RAPGEF1: variants seen among roughly 807,000 people sequenced by gnomAD.
The protein encoded by RAPGEF1 is CRK SH3-binding GNRP.
Under a neutral mutation model 143.3 loss-of-function variants are expected in RAPGEF1, and 33 were observed. The observed-to-expected ratio is 0.23, with a 90% CI of 0.17 to 0.31. The LOEUF (loss-of-function observed/expected upper bound fraction) is 0.31, where lower values mean the gene tolerates loss of function less well. RAPGEF1 is among the 10% of genes least tolerant of loss of function. The probability of loss-of-function intolerance (pLI) is 1.00; values close to 1 mark genes in which losing one functional copy is unlikely to be tolerated. For missense variants in RAPGEF1, 1,199 were observed against 1,645.4 expected (o/e 0.73, Z 4.69); for synonymous variants, 629 against 676.5 (o/e 0.93, Z 1.09).
intron 15 of RAPGEF1, among the ~76,000 whole-genome samples, chr9:131,600,886 T>C (rs1956153285): frequency 6.6e-6 from 1 of 152,192 alleles, no homozygotes; most frequent in Admixed American, 6.5e-5. Flanking sequence ...CCAGGCATCA[T>C]GGCTCACGCC....
rs377553737 is a variant in RAPGEF1 at position 131,605,000 on chromosome 9, C to T, written c.2250G>A (p.Ser750=). ...PPPSTVDGPL[S]ASQESSFHGN... Reference sequence around the variant, plus strand: ...CATGAAAGCTGCTCTCCTGAGAAGCCGAGAGAGGCCCGTCCACGGTGCTGG... The same window carrying T: ...CATGAAAGCTGCTCTCCTGAGAAGCTGAGAGAGGCCCGTCCACGGTGCTGG... Residue 750 remains serine (S), a synonymous_variant, in exon 13 of 27, where the codon TCG becomes TCA. Transcript: ENST00000683357. 93 of 1,351,462 alleles carry T rather than the reference C, an allele frequency of 6.9e-5. No homozygotes were observed. In the African/African-American group the frequency reaches 7.4e-4, roughly 11 times the overall value. The allele number at this position is 1,351,462 out of a possible 1,614,324, so 83.7% of individuals were successfully genotyped here. A position where few individuals can be genotyped will look rare whatever the true frequency, so the allele number is the denominator to read the frequency against.
intron 1 of RAPGEF1, among the ~76,000 whole-genome samples, chr9:131,688,909 A>C (rs1324752267): frequency 6.6e-6 from 1 of 152,220 alleles, no homozygotes; most frequent in Non-Finnish European, 1.5e-5. Flanking sequence ...AAATAAAAAT[A>C]AAAAACAAGG....
chr9:131,580,731 C>G (rs1373306558), intron 25 of RAPGEF1, among the ~76,000 whole-genome samples: 1 of 152,054 alleles, frequency 6.6e-6, no homozygotes, highest in African/African-American at 2.4e-5. Context: ...AAAACCCAAA[C>G]CAGGGGGCAG....
At chr9:131,644,489 A>C (rs893035945) in intron 3 of RAPGEF1, among the ~76,000 whole-genome samples, 1 of 152,090 alleles carries the variant, frequency 6.6e-6, no homozygotes, top group Admixed American at 6.5e-5. Flanking sequence ...GCAAATTAAG[A>C]GGGGTGTGTA....
intron 1 of RAPGEF1, among the ~76,000 whole-genome samples, chr9:131,719,497 G>A (rs1836101799): frequency 6.6e-6 from 1 of 151,026 alleles, no homozygotes; most frequent in South Asian, 2.1e-4. Flanking sequence ...ATACTGGGCA[G>A]CGGCTTCAAC....
intron 1 of RAPGEF1, among the ~76,000 whole-genome samples, chr9:131,726,011 A>G (rs184942804): frequency 7.9e-5 from 12 of 151,976 alleles, no homozygotes; most frequent in Non-Finnish European, 1.2e-4. Context: ...CACCCGCCTC[A>G]GCCTCCCAAA....
intron 1 of RAPGEF1, among the ~76,000 whole-genome samples, chr9:131,663,453 C>CT (rs57688948): frequency 0.27 from 38,354 of 141,464 alleles, 5,139 homozygotes; most frequent in South Asian, 0.36. Flanking sequence ...TTCTCTATAG[C>CT]TTTTTTTTTT....
intron 1 of RAPGEF1, among the ~76,000 whole-genome samples, chr9:131,713,023 T>A (rs955995853): frequency 6.6e-6 from 1 of 152,066 alleles, no homozygotes; most frequent in African/African-American, 2.4e-5. Flanking sequence ...ATGCTTGCAA[T>A]CCAAGATGGG....
intron 15 of RAPGEF1, among the ~76,000 whole-genome samples, chr9:131,600,740 G>A (rs551590782): frequency 6.6e-6 from 1 of 152,322 alleles, no homozygotes; most frequent in South Asian, 2.1e-4. Context: ...AGAAGGGGAA[G>A]TCAATGTGAA....
chr9:131,639,765 C>T (rs1404443781), intron 4 of RAPGEF1, among the ~76,000 whole-genome samples: 1 of 151,836 alleles, frequency 6.6e-6, no homozygotes, highest in Non-Finnish European at 1.5e-5. Context: ...GATTTAGGAG[C>T]CAAAGATATA....
intron 9 of RAPGEF1, 93 bp from the exon 10 acceptor site, chr9:131,626,515 T>G (rs1012760040): frequency 2.0e-5 from 26 of 1,325,668 alleles, no homozygotes; most frequent in Non-Finnish European, 2.6e-5. Flanking sequence ...GGCTCGCTCA[T>G]GGGTGTGTGA....
intron 12 of RAPGEF1, among the ~76,000 whole-genome samples, chr9:131,609,666 G>C (rs1957704644): frequency 6.6e-6 from 1 of 152,208 alleles, no homozygotes; most frequent in African/African-American, 2.4e-5. Context: ...CTGGGCCCCG[G>C]AGTCGAAACG....
In RAPGEF1 at chr9:131,584,960, G is replaced by A. The variant is rs948827311; in HGVS notation, c.3234-364C>T. Among the ~76,000 whole-genome samples, 1 of 152,212 alleles carries A rather than the reference G, an allele frequency of 6.6e-6. No homozygotes were observed. Among genetic ancestry groups the A allele is most frequent in the African/African-American group, 2.4e-5 (1 of 41,450 alleles). On this transcript the variant is annotated intron_variant, in intron 22 of 26. Coordinates refer to ENST00000683357, the MANE Select transcript of RAPGEF1 (RefSeq NM_001377935.1). This position sits in a 1 kb window ranked among gnomAD's most constrained non-coding sequence, Gnocchi z 6.8. The stretch of plus-strand genomic sequence containing the variant: ...CTGGGCAAGTTCCTTGTGTGATGCA[G>A]GACTGGCTCGGGGAGACCCGCTAGC...
At chr9:131,706,330 T>C (rs1448772076) in intron 1 of RAPGEF1, among the ~76,000 whole-genome samples, 1 of 152,078 alleles carries the variant, frequency 6.6e-6, no homozygotes, top group Non-Finnish European at 1.5e-5. Context: ...TGGTGCAATC[T>C]TGACTCACTG....
chr9:131,688,251 G>C lies in RAPGEF1; in HGVS notation c.62-37302C>G, dbSNP rs145595942. On this transcript the variant is annotated intron_variant, in intron 1 of 26. Coordinates refer to ENST00000683357, the MANE Select transcript of RAPGEF1 (RefSeq NM_001377935.1). ...AAAGCCCCCAAATCCCACAAGTTAA[G>C]AACTTCAGGAAGAACTGAAGTCAAT... 7.3e-3 allele frequency among the ~76,000 whole-genome samples: 1,116 copies of C among 152,296 alleles called. 11 individuals carry two copies. Among genetic ancestry groups the C allele is most frequent in the Middle Eastern group, 0.024 (7 of 294 alleles).
intron 11 of RAPGEF1, 61 bp from the exon 12 acceptor site, chr9:131,619,267 C>G (rs139705654): frequency 8.0e-7 from 1 of 1,248,738 alleles, no homozygotes; most frequent in Non-Finnish European, 1.1e-6. Flanking sequence ...AGAGAACAGT[C>G]AGGTCCGTGC....
intron 1 of RAPGEF1, among the ~76,000 whole-genome samples, chr9:131,669,379 A>G (rs1830979516): frequency 6.6e-6 from 1 of 152,130 alleles, no homozygotes; most frequent in Admixed American, 6.5e-5. Context: ...GACAGGAGTC[A>G]CCTCAAAAGT....
intron 18 of RAPGEF1, 83 bp downstream of exon 18, chr9:131,592,016 C>A: frequency 1.8e-6 from 2 of 1,085,622 alleles, no homozygotes; most frequent in South Asian, 1.4e-5. Context: ...CGGCTTCCCC[C>A]ACGAGGACTG....
chr9:131,605,228 C>T (rs1389400665), intron 12 of RAPGEF1, 40 bp from the exon 13 acceptor site: 13 of 1,247,616 alleles, frequency 1.0e-5, no homozygotes, highest in African/African-American at 4.7e-5. Flanking sequence ...AACGAGAATA[C>T]AAGAAGAAAA....
Sources: gnomAD v4.1 joint callset for allele counts (sites outside exome capture counted in the v4.1 genomes callset) on GRCh38, gnomAD v4.1.1 for gene constraint, Gnocchi (gnomAD v3.1) non-coding constraint, MANE v1.5 for transcripts, NCBI Gene and HGNC (gene_info 2026-07-23, HGNC 2026-07-21) for gene names.